Variants in CLDN10 observed in about 807,000 individuals in gnomAD.
CLDN10 encodes claudin-10.
A neutral mutation model predicts 22.9 loss-of-function variants in CLDN10; 15 were observed. That is an observed-to-expected ratio of 0.65 (90% CI 0.44 to 1.01). The LOEUF is 1.01. Among genes scored for constraint, CLDN10 ranks in the 50% least tolerant of loss-of-function variants. The pLI is 0.00. For missense variants in CLDN10, 247 were observed against 287.8 expected, an observed-to-expected ratio of 0.86 and a Z score of 1.03; for synonymous variants, 114 against 111.4, an observed-to-expected ratio of 1.02 and a Z score of -0.15.
chr13:95,549,292 T>A (rs1018206726), upstream of CLDN10, among the ~76,000 whole-genome samples: 3 of 152,270 alleles, frequency 2.0e-5, no homozygotes, highest in Non-Finnish European at 4.4e-5. Flanking sequence ...TAGTCTCTTA[T>A]GAAATTTCAG....
rs149448302 is a variant in CLDN10, at chr13:95,574,422, C to A, written c.465-2809C>A. Among the ~76,000 whole-genome samples, 688 of 152,222 alleles carry A rather than the reference C, an allele frequency of 4.5e-3. 5 individuals carry two copies. The highest frequency in any genetic ancestry group is 0.016 in the African/African-American group (658 of 41,528). On this transcript the variant is annotated intron_variant, in intron 3 of 4. Coordinates refer to ENST00000299339, the MANE Select transcript of CLDN10 (RefSeq NM_006984.5). Reference sequence around the variant, plus strand: ...CTCCAACATAATTCACACTGAAATGCAAATGGAAATGATTTTTTCCTTGGA... The same window carrying A: ...CTCCAACATAATTCACACTGAAATGAAAATGGAAATGATTTTTTCCTTGGA...
At chr13:95,518,186 G>A (rs574545459) in intron 1 of CLDN10, among the ~76,000 whole-genome samples, 7 of 152,184 alleles carry the variant, frequency 4.6e-5, no homozygotes, top group South Asian at 4.1e-4. Flanking sequence ...GAGTGAATGC[G>A]TGTAAAGTGA....
chr13:95,527,735 C>T (rs931505460), intron 1 of CLDN10, among the ~76,000 whole-genome samples: 1 of 152,026 alleles, frequency 6.6e-6, no homozygotes, highest in East Asian at 1.9e-4. Context: ...GGCTCAGTCT[C>T]GAAAACAACA....
chr13:95,488,391 T>C (rs1287621144), intron 1 of CLDN10, among the ~76,000 whole-genome samples: 1 of 152,078 alleles, frequency 6.6e-6, no homozygotes, highest in African/African-American at 2.4e-5. Flanking sequence ...CCATAAGTTA[T>C]TGGGGTACAG....
chr13:95,523,556 G>C (rs1231160436), intron 1 of CLDN10, among the ~76,000 whole-genome samples: 5 of 151,904 alleles, frequency 3.3e-5, no homozygotes, highest in Non-Finnish European at 5.9e-5. Flanking sequence ...TAGATCTACT[G>C]ATAGCCAATT....
At chr13:95,463,121 G>T (rs2042549798) in intron 1 of CLDN10, among the ~76,000 whole-genome samples, 1 of 151,048 alleles carries the variant, frequency 6.6e-6, no homozygotes, top group Admixed American at 6.6e-5. Context: ...TATCCTTAAG[G>T]TTTTCTCTCC....
intron 1 of CLDN10, among the ~76,000 whole-genome samples, chr13:95,524,217 A>G (rs35859073): frequency 0.1 from 15,124 of 149,768 alleles, 923 homozygotes; most frequent in Middle Eastern, 0.13. Context: ...TTCTTTATTT[A>G]GTTTGGAATT....
chr13:95,513,149 G>C (rs1262862122), intron 1 of CLDN10, among the ~76,000 whole-genome samples: 1 of 152,168 alleles, frequency 6.6e-6, no homozygotes, highest in African/African-American at 2.4e-5. Flanking sequence ...CAAAGTGCTA[G>C]GATTACAGGC....
intron 1 of CLDN10, among the ~76,000 whole-genome samples, chr13:95,451,479 AG>A (rs2042431168): frequency 6.6e-6 from 1 of 152,148 alleles, no homozygotes; most frequent in Non-Finnish European, 1.5e-5. Context: ...CACCCAGGCT[AG>A]GGTACAGTGG....
intron 1 of CLDN10, among the ~76,000 whole-genome samples, chr13:95,471,814 C>T (rs927070228): frequency 1.3e-5 from 2 of 152,008 alleles, no homozygotes; most frequent in South Asian, 2.1e-4. Context: ...AGTGCAGGGG[C>T]GCCATCACAG....
chr13:95,536,622 A>G (rs1193574782), intron 1 of CLDN10, among the ~76,000 whole-genome samples: 2 of 152,198 alleles, frequency 1.3e-5, no homozygotes, highest in Non-Finnish European at 2.9e-5. Context: ...ATTAAAAGAA[A>G]ACGATAGATT....
chr13:95,546,308 T>G (rs576949415), intron 1 of CLDN10, among the ~76,000 whole-genome samples: 10 of 152,270 alleles, frequency 6.6e-5, no homozygotes, highest in African/African-American at 2.4e-4. Flanking sequence ...GCTGGCACAT[T>G]GAAACCTCAC....
intron 1 of CLDN10, among the ~76,000 whole-genome samples, chr13:95,540,480 C>A (rs1000626902): frequency 1.3e-5 from 2 of 151,964 alleles, no homozygotes; most frequent in African/African-American, 4.8e-5. Flanking sequence ...GGCAGCAGAG[C>A]AGAGACAGAC....
intron 3 of CLDN10, among the ~76,000 whole-genome samples, chr13:95,576,442 G>A (rs1393420877): frequency 6.6e-6 from 1 of 152,156 alleles, no homozygotes; most frequent in East Asian, 1.9e-4. Flanking sequence ...TATTCTTCTG[G>A]AGAAAGCTAA....
At chr13:95,535,789 C>G (rs1265322425) in intron 1 of CLDN10, among the ~76,000 whole-genome samples, 2 of 151,846 alleles carry the variant, frequency 1.3e-5, no homozygotes, top group Non-Finnish European at 2.9e-5. Flanking sequence ...AGATACCAGC[C>G]CATGAGGAGA....
intron 1 of CLDN10, among the ~76,000 whole-genome samples, chr13:95,509,653 A>G (rs537638777): frequency 3.5e-4 from 54 of 152,324 alleles, no homozygotes; most frequent in African/African-American, 1.3e-3. Flanking sequence ...GTCAGCACTC[A>G]TATAGTAAGA....
At chr13:95,488,515 C>T (rs2042831149) in intron 1 of CLDN10, among the ~76,000 whole-genome samples, 1 of 151,940 alleles carries the variant, frequency 6.6e-6, no homozygotes, top group African/African-American at 2.4e-5. Flanking sequence ...TCCCTTGCCC[C>T]CTCCCACTCT....
At chr13:95,535,632 A>G (rs747192284) in intron 1 of CLDN10, among the ~76,000 whole-genome samples, 2 of 151,980 alleles carry the variant, frequency 1.3e-5, no homozygotes, top group Non-Finnish European at 2.9e-5. Context: ...CCTGCGAGCC[A>G]CCAGGAGAAA....
At chr13:95,555,221 T>C (rs1398810816) in intron 1 of CLDN10, among the ~76,000 whole-genome samples, 1 of 152,188 alleles carries the variant, frequency 6.6e-6, no homozygotes, top group African/African-American at 2.4e-5. Context: ...CGGCTAATTT[T>C]TTTTGCATTT....
Sources: allele counts gnomAD v4.1 joint callset (sites outside exome capture counted in the v4.1 genomes callset), GRCh38; gene constraint gnomAD v4.1.1; transcripts MANE v1.5; gene names NCBI Gene and HGNC (gene_info 2026-07-23, HGNC 2026-07-21).